SHROOM2: variants seen among roughly 807,000 people sequenced by gnomAD.
The protein encoded by SHROOM2 is shroom family member 2.
A neutral mutation model predicts 75.9 loss-of-function variants in SHROOM2; 33 were observed. The observed-to-expected ratio is 0.43, with a 90% CI of 0.33 to 0.58. The LOEUF is 0.58. Among genes scored for constraint, SHROOM2 ranks in the 20% least tolerant of loss-of-function variants. SHROOM2 has a pLI of 0.04. For missense variants in SHROOM2, 1,434 were observed against 1,461.2 expected (o/e 0.98, Z 0.30); for synonymous variants, 655 against 663.6 (o/e 0.99, Z 0.20).
chrX:9,799,157 C>CTTTTTTTTT lies in SHROOM2; in HGVS notation c.165+12467_165+12475dup, dbSNP rs58508176. ...GTTTGCCTTTACGGAGAGTTTAATTCTTTTTTTTTTTTTTTTTTTTTTTTT... is the reference window on the plus strand; with the variant it reads ...GTTTGCCTTTACGGAGAGTTTAATTCTTTTTTTTTTTTTTTTTTTTTTTTTTTTTTTTTT... On this transcript the variant is annotated intron_variant, in intron 1 of 9. Transcript: ENST00000380913. 1.3e-3 allele frequency among the ~76,000 whole-genome samples: 81 copies of CTTTTTTTTT among 61,371 alleles called. 22 individuals carry two copies. Among genetic ancestry groups the CTTTTTTTTT allele is most frequent in the African/African-American group, 7.0e-3 (79 of 11,340 alleles). 53.3% of individuals were successfully genotyped at this position (61,371 alleles called of 115,157 possible).
chrX:9,792,013 AT>A (rs1569132718), intron 1 of SHROOM2, among the ~76,000 whole-genome samples: 101 of 389 alleles, frequency 0.26, 6 homozygotes, highest in African/African-American at 0.38. Context: ...ATAGAATAGA[AT>A]AGAATAGAAT....
At chrX:9,875,592 A>T (rs981790165) in intron 2 of SHROOM2, among the ~76,000 whole-genome samples, 4 of 112,098 alleles carry the variant, frequency 3.6e-5, no homozygotes, top group Non-Finnish European at 5.6e-5. Flanking sequence ...TAGTCAGCAT[A>T]GCTGGCCAAC....
In SHROOM2 at chrX:9,891,091, C is replaced by T. The variant is rs369952785; in HGVS notation, c.432C>T (p.Ser144=). ...FTSTSGCPSW[S]GRHHASSSSH... ...CCACCAGCGGCTGTCCTTCCTGGTC[C>T]GGCCGACACCACGCGAGGTAGGCAC... Residue 144 remains serine (S), a synonymous_variant, in exon 3 of 10, where the codon TCC becomes TCT. Coordinates refer to ENST00000380913, the MANE Select transcript of SHROOM2 (RefSeq NM_001649.4). 31 of 1,204,545 alleles carry T rather than the reference C, an allele frequency of 2.6e-5. No individual in the cohort carries two copies. The African/African-American group carries it at 3.3e-4, about 13-fold the overall frequency.
chrX:9,892,408 G>GA (rs750425535), intron 3 of SHROOM2, among the ~76,000 whole-genome samples: 1,374 of 104,911 alleles, frequency 0.013, 12 homozygotes, highest in African/African-American at 0.029. Context: ...ATTTTTTGGG[G>GA]AAAAAAAAAA....
chrX:9,794,607 G>T (rs1412637013), intron 1 of SHROOM2, among the ~76,000 whole-genome samples: 1 of 111,522 alleles, frequency 9.0e-6, no homozygotes, highest in Non-Finnish European at 1.9e-5. Flanking sequence ...AACCTTGGGT[G>T]ATCCGCCCAC....
intron 5 of SHROOM2, among the ~76,000 whole-genome samples, chrX:9,911,314 T>C (rs1351516140): frequency 8.9e-6 from 1 of 111,944 alleles, no homozygotes; most frequent in African/African-American, 3.3e-5. Context: ...TTAAGGGATA[T>C]AACATTAATG....
intron 1 of SHROOM2, among the ~76,000 whole-genome samples, chrX:9,836,198 C>G (rs2083943623): frequency 8.9e-6 from 1 of 112,028 alleles, no homozygotes; most frequent in Non-Finnish European, 1.9e-5. Flanking sequence ...GGCCCATGTC[C>G]CCTCTCCCAG....
At chrX:9,944,608 C>G in intron 8 of SHROOM2, 33 bp from the exon 9 acceptor site, 1 of 1,183,634 alleles carries the variant, frequency 8.4e-7, no homozygotes, top group Non-Finnish European at 1.1e-6. Context: ...TAACCAGTGT[C>G]TCCGTGTTCC....
intron 1 of SHROOM2, among the ~76,000 whole-genome samples, chrX:9,859,151 G>T (rs2084089095): frequency 8.9e-6 from 1 of 111,911 alleles, no homozygotes; most frequent in Admixed American, 9.5e-5. Flanking sequence ...GGAGGTGGAG[G>T]TTGCAGTGAG....
chrX:9,808,586 G>A (rs2083770829), intron 1 of SHROOM2, among the ~76,000 whole-genome samples: 1 of 110,159 alleles, frequency 9.1e-6, no homozygotes, highest in African/African-American at 3.3e-5. Context: ...TAATGGTTGG[G>A]CGCAGTGGTT....
chrX:9,857,604 G>T (rs1386558638), intron 1 of SHROOM2, among the ~76,000 whole-genome samples: 2 of 110,139 alleles, frequency 1.8e-5, no homozygotes, highest in Non-Finnish European at 3.8e-5. Context: ...GCCCAGGCTG[G>T]TCTCGAACTC....
At position 9,895,188 on chromosome X, in the gene SHROOM2, G is replaced by A. The variant is rs773856269; in HGVS notation, c.1280G>A (p.Arg427Gln). ...VRFPQSPHSG[R>Q]HPPLYSDHSP... ...TTCCCTCAGTCTCCTCATAGCGGCC[G>A]ACACCCTCCCCTATACAGCGACCAC... The change falls in exon 4 of 10, where the codon CGA becomes CAA. Residue 427 changes from arginine (R) to glutamine (Q), a missense_variant. Around this residue, in one of 3 missense-constraint regions of SHROOM2, gnomAD observed 1,340 missense variants for 1,338.3 expected, o/e 1.00. Transcript: ENST00000380913. 4.1e-6 allele frequency: 5 copies of A among 1,210,073 alleles called. No individual in the cohort carries two copies. The Admixed American group carries it at 6.5e-5, about 16-fold the overall frequency.
At position 9,947,122 on chromosome X, in the gene SHROOM2, C is replaced by T. The variant is rs1006198965; in HGVS notation, c.*185C>T. 1 of 483,854 alleles carries T rather than the reference C, an allele frequency of 2.1e-6. No individual in the cohort carries two copies. Among genetic ancestry groups the T allele is most frequent in the African/African-American group, 2.4e-5 (1 of 41,829 alleles). The allele number at this position is 483,854 out of a possible 1,213,427, so 39.9% of individuals were successfully genotyped here. The stretch of plus-strand genomic sequence containing the variant: ...GATGATTTATTTAATTTTTTAGTTT[C>T]CCCTTTGATTGCTGAGAGCCATTTT... On this transcript the variant is annotated 3_prime_UTR_variant, in exon 10 of 10. Coordinates refer to ENST00000380913, the MANE Select transcript of SHROOM2 (RefSeq NM_001649.4).
rs61750846 is a variant in SHROOM2 at position 9,898,288 on chromosome X, G to A, written c.2889G>A (p.Pro963=). 1.1e-3 allele frequency: 1,310 copies of A among 1,156,701 alleles called. 13 individuals carry two copies. In the African/African-American group the frequency reaches 0.021, roughly 18 times the overall value. Residue 963 remains proline, a splice_region_variant and synonymous_variant, in exon 5 of 10, where the codon CCG becomes CCA. Transcript: ENST00000380913. ...GGGCCGAGGAGGGACAGTCCACGCCGAGGTGGGTGAAATTTGGATTCAGAG... is the reference window on the plus strand; with the variant it reads ...GGGCCGAGGAGGGACAGTCCACGCCAAGGTGGGTGAAATTTGGATTCAGAG... ...AVRAEEGQST[P]RQADAQCREG...
At chrX:9,847,066 C>G (rs2084010284) in intron 1 of SHROOM2, among the ~76,000 whole-genome samples, 1 of 112,210 alleles carries the variant, frequency 8.9e-6, no homozygotes, top group Non-Finnish European at 1.9e-5. Flanking sequence ...TTTCCAAAAG[C>G]CTTTAGCCAT....
intron 2 of SHROOM2, among the ~76,000 whole-genome samples, chrX:9,878,396 T>G (rs2084212546): frequency 9.0e-6 from 1 of 111,079 alleles, no homozygotes; most frequent in African/African-American, 3.3e-5. Flanking sequence ...GAGGGAAGGG[T>G]TTTCTGCATC....
At chrX:9,935,546 C>G (rs991965028) in intron 6 of SHROOM2, among the ~76,000 whole-genome samples, 9 of 110,621 alleles carry the variant, frequency 8.1e-5, no homozygotes, top group Middle Eastern at 4.7e-3. Flanking sequence ...TGTAAATTGT[C>G]TTCATGAGGA....
chrX:9,934,277 A>G (rs1357911562), intron 6 of SHROOM2, among the ~76,000 whole-genome samples: 2 of 111,715 alleles, frequency 1.8e-5, no homozygotes, highest in South Asian at 7.5e-4. Flanking sequence ...GCCGCAGAAA[A>G]TTCTGTGGGA....
intron 2 of SHROOM2, among the ~76,000 whole-genome samples, chrX:9,879,354 G>A (rs779609181): frequency 3.6e-5 from 4 of 111,869 alleles, no homozygotes; most frequent in East Asian, 5.6e-4. Flanking sequence ...TTCGCCACCC[G>A]GGTTCAAGCG....
Sources: allele counts gnomAD v4.1 joint callset (sites outside exome capture counted in the v4.1 genomes callset), GRCh38; gene constraint gnomAD v4.1.1; regional missense constraint gnomAD v4.1.1; transcripts MANE v1.5; gene names NCBI Gene and HGNC (gene_info 2026-07-23, HGNC 2026-07-21).